Variants in MEIS1 observed in about 807,000 individuals in gnomAD.
MEIS1 encodes the protein Meis homeobox 1.
A neutral mutation model predicts 50.8 loss-of-function variants in MEIS1; 5 were observed. The observed-to-expected ratio is 0.10, with a 90% confidence interval of 0.05 to 0.21. The LOEUF is 0.21. MEIS1 is among the 10% of genes least tolerant of loss of function. MEIS1 has a pLI of 1.00. For missense variants in MEIS1, 318 were observed against 517.3 expected (o/e 0.61, Z 3.74); for synonymous variants, 176 against 179.3 (o/e 0.98, Z 0.15).
chr2:66,462,200 C>A (rs186279207), intron 6 of MEIS1, among the ~76,000 whole-genome samples: 1 of 152,302 alleles, frequency 6.6e-6, no homozygotes, highest in Admixed American at 6.5e-5. Flanking sequence ...ATCAGATTAA[C>A]AAACATGCTT....
At chr2:66,484,609 A>G (rs1411609551) in intron 7 of MEIS1, among the ~76,000 whole-genome samples, 1 of 151,902 alleles carries the variant, frequency 6.6e-6, no homozygotes, top group Non-Finnish European at 1.5e-5. Context: ...CCCAGGCTGG[A>G]GTGCAATGGC....
rs186107745 is a variant in MEIS1 at position 66,435,827 on chromosome 2, G to A, written c.-30G>A. On this transcript the variant is annotated 5_prime_UTR_variant, in exon 1 of 13. Coordinates refer to ENST00000272369, the MANE Select transcript of MEIS1 (RefSeq NM_002398.3). The stretch of plus-strand genomic sequence containing the variant: ...TGGCCTTAAAGAGGATATATTAGAA[G>A]TTGAAGTAGGAAGGGAGCCAGAGAG... The A allele has an allele frequency of 6.5e-7, 1 of 1,547,056 alleles. No individual in the cohort carries two copies. The highest frequency in any genetic ancestry group is 2.5e-5 in the East Asian group (1 of 39,782).
At chr2:66,522,187 G>T (rs1674140099) in intron 8 of MEIS1, among the ~76,000 whole-genome samples, 1 of 152,174 alleles carries the variant, frequency 6.6e-6, no homozygotes, top group Non-Finnish European at 1.5e-5. Context: ...CATGCCATTT[G>T]TACCATCAAA....
rs1304938102 is a variant in MEIS1 at position 66,567,486 on chromosome 2, C to T, written c.999C>T (p.Pro333=). The T allele has an allele frequency of 3.1e-6, 5 of 1,613,748 alleles. No homozygotes were observed. In the Admixed American group the frequency reaches 8.3e-5, roughly 27 times the overall value. The change falls in exon 10 of 13, where the codon CCC becomes CCT. Residue 333 remains proline, a synonymous_variant. Coordinates refer to ENST00000272369, the MANE Select transcript of MEIS1 (RefSeq NM_002398.3). ...FINARRRIVQ[P]MIDQSNRAVS... The stretch of plus-strand genomic sequence containing the variant: ...ATGCCCGGAGAAGAATAGTGCAGCC[C>T]ATGATAGACCAGTCCAACCGAGCAG...
At chr2:66,486,106 A>T (rs1174156969) in intron 7 of MEIS1, among the ~76,000 whole-genome samples, 3 of 152,090 alleles carry the variant, frequency 2.0e-5, no homozygotes. Flanking sequence ...GTTTAATTAG[A>T]TCCCATTTGT....
At chr2:66,495,082 T>TA in intron 7 of MEIS1, among the ~76,000 whole-genome samples, 1 of 46,320 alleles carries the variant, frequency 2.2e-5, no homozygotes, top group Non-Finnish European at 5.0e-5. Context: ...CTTCTGACCT[T>TA]TTTTTTTTTT....
At chr2:66,552,311 A>G (rs1558561111) in intron 9 of MEIS1, among the ~76,000 whole-genome samples, 1 of 151,956 alleles carries the variant, frequency 6.6e-6, no homozygotes, top group Non-Finnish European at 1.5e-5. Flanking sequence ...TTTGTTTACT[A>G]CTCCTCATCC....
intron 6 of MEIS1, among the ~76,000 whole-genome samples, chr2:66,460,573 G>A (rs942755461): frequency 2.6e-5 from 4 of 152,116 alleles, no homozygotes; most frequent in Non-Finnish European, 5.9e-5. Flanking sequence ...ATTATATATC[G>A]ATCAAGAAGA....
chr2:66,562,920 G>T (rs1218534289), intron 9 of MEIS1, among the ~76,000 whole-genome samples: 1 of 152,060 alleles, frequency 6.6e-6, no homozygotes, highest in Non-Finnish European at 1.5e-5. Flanking sequence ...CCCTATGTTC[G>T]AATGTAAATG....
At chr2:66,495,627 G>A (rs973108460) in intron 7 of MEIS1, among the ~76,000 whole-genome samples, 1 of 152,186 alleles carries the variant, frequency 6.6e-6, no homozygotes, top group Non-Finnish European at 1.5e-5. Flanking sequence ...GAATGGCTGC[G>A]ATCTGGGGCC....
At chr2:66,570,213 G>A (rs1339815902) in intron 12 of MEIS1, 3 of 152,100 alleles carry the variant, frequency 2.0e-5, no homozygotes, top group Admixed American at 2.0e-4. Context: ...ACATTCCATT[G>A]AGCTGGGGAA....
intron 6 of MEIS1, chr2:66,445,254 G>A (rs1418807442): frequency 6.6e-6 from 1 of 152,286 alleles, no homozygotes; most frequent in Non-Finnish European, 1.5e-5. Flanking sequence ...GACCCCCTGG[G>A]GCTCACCCAA....
intron 8 of MEIS1, among the ~76,000 whole-genome samples, chr2:66,516,047 T>C (rs1673960082): frequency 6.6e-6 from 1 of 152,186 alleles, no homozygotes; most frequent in Non-Finnish European, 1.5e-5. Flanking sequence ...CTGCATAGTA[T>C]TACAAAGATA....
chr2:66,497,381 G>A (rs6723338), intron 7 of MEIS1, among the ~76,000 whole-genome samples: 84,381 of 151,838 alleles, frequency 0.56, 24,545 homozygotes, highest in Non-Finnish European at 0.64. Context: ...AGAATTAATT[G>A]ATCAAAGATC....
chr2:66,440,069 AC>A, intron 3 of MEIS1, 85 bp downstream of exon 3: 1 of 661,374 alleles, frequency 1.5e-6, no homozygotes, highest in Non-Finnish European at 2.0e-6. Context: ...GCGCGCGCGA[AC>A]ACACACACAC....
chr2:66,473,397 A>AAAATAT, intron 7 of MEIS1, among the ~76,000 whole-genome samples: 1 of 107,614 alleles, frequency 9.3e-6, no homozygotes, highest in African/African-American at 5.8e-5. Flanking sequence ...AAAAAAAAAA[A>AAAATAT]ATATATATAT....
chr2:66,441,606 C>A, intron 5 of MEIS1, 142 bp downstream of exon 5: 2 of 667,160 alleles, frequency 3.0e-6, no homozygotes, highest in Non-Finnish European at 4.9e-6. Context: ...CAAGGCCAAT[C>A]TTAGCGTCCA....
rs944239049 is a variant in MEIS1, at chr2:66,473,403, T to A, written c.742+9183T>A. On this transcript the variant is annotated intron_variant, in intron 7 of 12. Transcript: ENST00000272369. ...CAAAAAAAAAAAAAAAAAAAATATA[T>A]ATATATATATATATAGTAATATAAG... is the stretch of plus-strand genomic sequence containing the variant. 4.8e-3 allele frequency among the ~76,000 whole-genome samples: 573 copies of A among 119,160 alleles called. 6 individuals carry two copies. Among genetic ancestry groups the A allele is most frequent in the African/African-American group, 0.024 (505 of 21,046 alleles). The allele number at this position is 119,160 out of a possible 152,430, so 78.2% of individuals were successfully genotyped here. A position where few individuals can be genotyped will look rare whatever the true frequency, so the allele number is the denominator to read the frequency against.
At position 66,573,211 on chromosome 2, in the gene MEIS1, C is replaced by G. The variant is rs796499614; in HGVS notation, c.*2003C>G. The G allele has an allele frequency of 3.9e-5, 6 of 152,028 alleles. No individual in the cohort carries two copies. The South Asian group carries it at 1.2e-3, about 31-fold the overall frequency. 9.4% of individuals were successfully genotyped at this position (152,028 alleles called of 1,614,324 possible). On this transcript the variant is annotated 3_prime_UTR_variant, in exon 13 of 13. Transcript: ENST00000272369. ...TCATTGGATAAAACTGGTTATTAAC[C>G]AATTTTCCAGAACAGCTGTACAAGA...
Sources: gnomAD v4.1 joint callset for allele counts (sites outside exome capture counted in the v4.1 genomes callset) on GRCh38, gnomAD v4.1.1 for gene constraint, MANE v1.5 for transcripts, NCBI Gene and HGNC (gene_info 2026-07-23, HGNC 2026-07-21) for gene names.